The following ATP13A5 variants were observed in gnomAD, a reference collection of about 807,000 sequenced individuals.
ATP13A5 encodes probable cation-transporting ATPase 13A5.
A neutral mutation model predicts 150.2 loss-of-function variants in ATP13A5; 149 were observed. The observed-to-expected ratio is 0.99, with a 90% CI of 0.87 to 1.14. ATP13A5 has a LOEUF of 1.14. ATP13A5 is among the 50% of genes most tolerant of loss of function. The pLI is 0.00. For synonymous variants in ATP13A5, 497 were observed against 522.2 expected, an observed-to-expected ratio of 0.95 and a Z score of 0.66; for missense variants, 1,383 against 1,449.3, an observed-to-expected ratio of 0.95 and a Z score of 0.74.
rs544183664 is a variant in ATP13A5, at chr3:193,367,235, T to C, written c.64-2955A>G. On this transcript the variant is annotated intron_variant, in intron 1 of 29. Coordinates refer to ENST00000342358, the MANE Select transcript of ATP13A5 (RefSeq NM_198505.4). ...GACAGAAAGTAGAAATACAACACAA[T>C]AGAGAGAAACAGCAAAGTCAAATTG... 1.1e-4 allele frequency among the ~76,000 whole-genome samples: 16 copies of C among 151,922 alleles called. No homozygotes were observed. The South Asian group carries it at 2.9e-3, about 28-fold the overall frequency.
chr3:193,351,580 T>C (rs1006149483), intron 6 of ATP13A5, among the ~76,000 whole-genome samples: 5 of 152,238 alleles, frequency 3.3e-5, no homozygotes, highest in Non-Finnish European at 7.3e-5. Flanking sequence ...AACAGTTTAA[T>C]TGCAGTTTTA....
At position 193,331,222 on chromosome 3, in the gene ATP13A5, G is replaced by A. The variant is rs774206050; in HGVS notation, c.1362C>T (p.Asn454=). 4.8e-5 allele frequency: 78 copies of A among 1,613,906 alleles called. No individual in the cohort carries two copies. Among genetic ancestry groups the A allele is most frequent in the South Asian group, 2.5e-4 (23 of 91,080 alleles). Reference sequence around the variant, plus strand: ...TCTTCAGTCTCTTCTGAGCATACACGTTGCCTATGGTCAGGGCAGCTGGCA... The same window carrying A: ...TCTTCAGTCTCTTCTGAGCATACACATTGCCTATGGTCAGGGCAGCTGGCA... ...PVLPAALTIG[N]VYAQKRLKKK... Residue 454 remains asparagine, a synonymous_variant, in exon 12 of 30, where the codon AAC becomes AAT. Coordinates refer to ENST00000342358, the MANE Select transcript of ATP13A5 (RefSeq NM_198505.4).
chr3:193,331,322 A>G lies in ATP13A5; in HGVS notation c.1273-11T>C. 1 of 1,609,910 alleles carries G rather than the reference A, an allele frequency of 6.2e-7. No individual in the cohort carries two copies. The highest frequency in any genetic ancestry group is 1.1e-5 in the South Asian group (1 of 90,578). ...ATCTTTTGGAGGAACCTGGGAGAGG[A>G]CAGACATTTTCATACAGGATAGCCC... is the stretch of plus-strand genomic sequence containing the variant. On this transcript the variant is annotated splice_polypyrimidine_tract_variant and intron_variant, in intron 11 of 29. Coordinates refer to ENST00000342358, the MANE Select transcript of ATP13A5 (RefSeq NM_198505.4).
intron 10 of ATP13A5, 63 bp downstream of exon 10, chr3:193,334,866 C>T: frequency 6.6e-7 from 1 of 1,506,624 alleles, no homozygotes; most frequent in Non-Finnish European, 9.1e-7. Context: ...AACTAAATTT[C>T]CCTAATCCAA....
chr3:193,302,109 G>A (rs1186425844), intron 23 of ATP13A5, among the ~76,000 whole-genome samples: 1 of 152,126 alleles, frequency 6.6e-6, no homozygotes, highest in East Asian at 1.9e-4. Flanking sequence ...CAGGGCAGAA[G>A]CAATCCACAT....
chr3:193,363,486 C>A, intron 2 of ATP13A5, 104 bp from the exon 3 acceptor site: 2 of 1,043,924 alleles, frequency 1.9e-6, no homozygotes, highest in Non-Finnish European at 2.8e-6. Flanking sequence ...CCCAAACAAG[C>A]GCATCAGCTT....
At chr3:193,354,940 CT>C (rs545467259) in intron 5 of ATP13A5, among the ~76,000 whole-genome samples, 2 of 127,908 alleles carry the variant, frequency 1.6e-5, no homozygotes, top group African/African-American at 6.0e-5. Context: ...AACAATGTAA[CT>C]TTTTTTTTGA....
In ATP13A5 at chr3:193,321,744, G is replaced by T; in HGVS notation, c.1852C>A (p.His618Asn). The T allele has an allele frequency of 1.2e-6, 2 of 1,614,166 alleles. No individual in the cohort carries two copies. The highest frequency in any genetic ancestry group is 1.7e-6 in the Non-Finnish European group (2 of 1,180,014). The change falls in exon 16 of 30, where the codon CAT becomes AAT. Residue 618 changes from histidine (H) to asparagine (N), a missense_variant. Around this residue, in one of 3 missense-constraint regions of ATP13A5, gnomAD observed 787 missense variants for 771.9 expected, o/e 1.02. Coordinates refer to ENST00000342358, the MANE Select transcript of ATP13A5 (RefSeq NM_198505.4). ...GCACCTTTCATGTAGACATGGAAAT[G>T]ATTCTCCCCAGCTAGCTGAGCGATC... ...SVIAQLAGEN[H>N]FHVYMKGAPE...
intron 20 of ATP13A5, 21 bp from the exon 21 acceptor site, chr3:193,310,738 T>C (rs1718812299): frequency 1.9e-6 from 3 of 1,572,602 alleles, no homozygotes; most frequent in Non-Finnish European, 2.6e-6. Flanking sequence ...AAAACAACCA[T>C]TGCAATATGA....
rs1331677867 is a variant in ATP13A5, at chr3:193,274,967, A to G, written c.*75T>C. On this transcript the variant is annotated 3_prime_UTR_variant, in exon 30 of 30. Transcript: ENST00000342358. Reference sequence around the variant, plus strand: ...GAGAGAGGAAAGGTAAGGGGAGAGTATCATCACTTCTCCACAATGTGTTAA... The same window carrying G: ...GAGAGAGGAAAGGTAAGGGGAGAGTGTCATCACTTCTCCACAATGTGTTAA... 6.5e-7 allele frequency: 1 copy of G among 1,548,994 alleles called. No homozygotes were observed. The highest frequency in any genetic ancestry group is 1.2e-5 in the South Asian group (1 of 82,606).
At chr3:193,332,306 GTGAGTCT>G (rs1384339616) in intron 11 of ATP13A5, among the ~76,000 whole-genome samples, 3 of 152,164 alleles carry the variant, frequency 2.0e-5, no homozygotes, top group African/African-American at 7.2e-5. Context: ...ATGTGGAACT[GTGAGTCT>G]CTTAAACCTC....
Position 193,275,266 on chromosome 3 carries a change from T to C in ATP13A5, c.3433A>G (p.Ile1145Val), listed in dbSNP as rs547378846. The change falls in exon 30 of 30, where the codon ATC becomes GTC. Residue 1145 changes from isoleucine to valine, a missense_variant. Transcript: ENST00000342358. ...ILQNHELWLL[I>V]KREFGFYSKS... is the part of the protein sequence containing the mutation. The stretch of plus-strand genomic sequence containing the variant: ...GAGTAGAATCCAAATTCTCTTTTGA[T>C]CAACAGCCAGAGTTCATGATTTTGA... 2 of 1,613,958 alleles carry C rather than the reference T, an allele frequency of 1.2e-6. No individual in the cohort carries two copies. The highest frequency in any genetic ancestry group is 3.3e-5 in the Admixed American group (2 of 60,012).
At chr3:193,299,238 A>C (rs756784545) in intron 24 of ATP13A5, 35 bp from the exon 25 acceptor site, 8 of 1,509,824 alleles carry the variant, frequency 5.3e-6, no homozygotes, top group Non-Finnish European at 6.4e-6. Flanking sequence ...TAAATGTGGC[A>C]TCTGCCATCA....
intron 10 of ATP13A5, 120 bp downstream of exon 10, chr3:193,334,809 A>T (rs1711783250): frequency 1.1e-6 from 1 of 881,400 alleles, no homozygotes; most frequent in Non-Finnish European, 1.7e-6. Flanking sequence ...TCTGTTTGGA[A>T]AAAAGCATGT....
intron 9 of ATP13A5, among the ~76,000 whole-genome samples, chr3:193,339,545 G>A (rs1712033478): frequency 6.6e-6 from 1 of 152,092 alleles, no homozygotes; most frequent in African/African-American, 2.4e-5. Context: ...TACATGCTAA[G>A]GTGTAAGAAG....
At chr3:193,351,561 T>G (rs2108891031) in intron 6 of ATP13A5, among the ~76,000 whole-genome samples, 1 of 152,330 alleles carries the variant, frequency 6.6e-6, no homozygotes, top group East Asian at 1.9e-4. Context: ...AAAACGTACT[T>G]CCATTTGGAA....
chr3:193,295,719 C>T (rs2886981), intron 25 of ATP13A5, among the ~76,000 whole-genome samples: 60,738 of 151,988 alleles, frequency 0.4, 13,303 homozygotes, highest in Non-Finnish European at 0.48. Context: ...GAGAGATTAT[C>T]GCCATATCTC....
chr3:193,329,073 C>T (rs573678090), intron 12 of ATP13A5, among the ~76,000 whole-genome samples: 4 of 151,874 alleles, frequency 2.6e-5, no homozygotes, highest in South Asian at 2.1e-4. Context: ...GTTGAAACCC[C>T]GTCTCTACTA....
At chr3:193,298,425 T>C (rs557268374) in intron 25 of ATP13A5, among the ~76,000 whole-genome samples, 27 of 152,248 alleles carry the variant, frequency 1.8e-4, no homozygotes, top group African/African-American at 6.5e-4. Context: ...ATAAAACATA[T>C]CAGTTTTATG....
Sources: gnomAD v4.1 joint callset for allele counts (sites outside exome capture counted in the v4.1 genomes callset) on GRCh38, gnomAD v4.1.1 for gene constraint, gnomAD v4.1.1 regional missense constraint, MANE v1.5 for transcripts, NCBI Gene and HGNC (gene_info 2026-07-23, HGNC 2026-07-21) for gene names.